Variants in COL22A1 observed in about 807,000 individuals in gnomAD.
The protein encoded by COL22A1 is collagen alpha-1(XXII) chain.
A neutral mutation model predicts 248.9 loss-of-function variants in COL22A1; 221 were observed. The ratio of observed to expected loss-of-function variants is 0.89; its 90% confidence interval spans 0.80 to 0.99. The LOEUF (loss-of-function observed/expected upper bound fraction) is 0.99. COL22A1 is among the 50% of genes least tolerant of loss of function. COL22A1 has a pLI of 0.00. For missense variants in COL22A1, 2,240 were observed against 2,179.0 expected, an observed-to-expected ratio of 1.03 and a Z score of -0.56; for synonymous variants, 891 against 793.4, an observed-to-expected ratio of 1.12 and a Z score of -2.07.
At chr8:138,625,526 G>A (rs1203299516) in intron 51 of COL22A1, among the ~76,000 whole-genome samples, 1 of 152,148 alleles carries the variant, frequency 6.6e-6, no homozygotes, top group Non-Finnish European at 1.5e-5. Context: ...TAATGAGAAG[G>A]ATATTAAATG....
chr8:138,613,885 T>C lies in COL22A1; in HGVS notation c.3960A>G (p.Gln1320=). 1 of 1,613,990 alleles carries C rather than the reference T, an allele frequency of 6.2e-7. No homozygotes were observed. The highest frequency in any genetic ancestry group is 1.1e-5 in the South Asian group (1 of 91,082). Residue 1320 remains glutamine, a synonymous_variant, in exon 56 of 65, where the codon CAA becomes CAG. Coordinates refer to ENST00000303045, the MANE Select transcript of COL22A1 (RefSeq NM_152888.3). ...AACTCACCGGTGGGCCCCTTGGTCC[T>C]TGGGGACCCTGTGGCCCAGTGGGTC... ...DTGPTGPQGP[Q]GPRGPPGKNG... is the part of the protein sequence containing the mutation.
At chr8:138,795,811 A>T (rs1816463263) in intron 12 of COL22A1, among the ~76,000 whole-genome samples, 1 of 152,118 alleles carries the variant, frequency 6.6e-6, no homozygotes, top group African/African-American at 2.4e-5. Context: ...GGAGAGCTAG[A>T]TGTGTAAGAG....
At chr8:138,806,084 GTAATGGTGTGTGATGGTGTGTT>G (rs1817655614) in intron 10 of COL22A1, among the ~76,000 whole-genome samples, 2 of 9,696 alleles carry the variant, frequency 2.1e-4, no homozygotes, top group Non-Finnish European at 4.4e-4. Context: ...GATGGTGTGT[GTAATGGTGTGTGATGGTGTGTT>G]TGTGTGTGAT....
intron 16 of COL22A1, among the ~76,000 whole-genome samples, chr8:138,764,136 C>T (rs34284837): frequency 0.2 from 30,750 of 152,136 alleles, 3,172 homozygotes; most frequent in Middle Eastern, 0.23. Context: ...CCAGGGGTTG[C>T]AGGTTCTTGG....
At chr8:138,692,463 A>ATGTGTGTGTGTG (rs145298366) in intron 35 of COL22A1, among the ~76,000 whole-genome samples, 1 of 136,014 alleles carries the variant, frequency 7.4e-6, no homozygotes, top group African/African-American at 2.9e-5. Flanking sequence ...GTGTGAGTGC[A>ATGTGTGTGTGTG]TGTGTGTGTG....
At chr8:138,651,321 C>A (rs1220371714) in intron 45 of COL22A1, among the ~76,000 whole-genome samples, 1 of 152,160 alleles carries the variant, frequency 6.6e-6, no homozygotes, top group African/African-American at 2.4e-5. Context: ...ACTCAGAGGA[C>A]AGAGGTAGAA....
chr8:138,650,216 G>T (rs1822578470), intron 45 of COL22A1, among the ~76,000 whole-genome samples: 1 of 152,182 alleles, frequency 6.6e-6, no homozygotes, highest in African/African-American at 2.4e-5. Flanking sequence ...TCTCTGTTCT[G>T]CATTTGCCCG....
chr8:138,889,428 T>C (rs1309984107), intron 1 of COL22A1, among the ~76,000 whole-genome samples: 1 of 152,048 alleles, frequency 6.6e-6, no homozygotes, highest in Non-Finnish European at 1.5e-5. Context: ...ATGGATGAAA[T>C]TGGAAATCAT....
At chr8:138,736,669 G>T (rs868794536) in intron 23 of COL22A1, among the ~76,000 whole-genome samples, 40 of 152,276 alleles carry the variant, frequency 2.6e-4, no homozygotes, top group Admixed American at 6.5e-4. Flanking sequence ...TGGCCTGTGG[G>T]AGTTGGGCCA....
chr8:138,824,432 C>T (rs553705869), intron 6 of COL22A1, among the ~76,000 whole-genome samples: 5 of 152,296 alleles, frequency 3.3e-5, no homozygotes, highest in African/African-American at 1.2e-4. Flanking sequence ...CTATTACTGC[C>T]GGCATCCACA....
At chr8:138,716,490 TTC>T (rs1829443053) in intron 28 of COL22A1, among the ~76,000 whole-genome samples, 1 of 152,208 alleles carries the variant, frequency 6.6e-6, no homozygotes, top group African/African-American at 2.4e-5. Flanking sequence ...TCTTGTCTAC[TTC>T]AGCTGTTTCC....
chr8:138,700,559 G>C (rs954442829), intron 31 of COL22A1, among the ~76,000 whole-genome samples: 1 of 152,186 alleles, frequency 6.6e-6, no homozygotes, highest in Non-Finnish European at 1.5e-5. Context: ...CAGGGATGCA[G>C]GTGCGTAGTA....
intron 3 of COL22A1, among the ~76,000 whole-genome samples, chr8:138,868,370 GC>G (rs773961899): frequency 6.6e-6 from 1 of 152,062 alleles, no homozygotes; most frequent in Non-Finnish European, 1.5e-5. Context: ...ATAGCCTTAG[GC>G]CCTCCAAAGT....
chr8:138,733,622 C>A (rs1830871712), intron 23 of COL22A1, among the ~76,000 whole-genome samples: 1 of 152,188 alleles, frequency 6.6e-6, no homozygotes, highest in African/African-American at 2.4e-5. Flanking sequence ...GGATAGGCTG[C>A]CATGGGATCA....
At chr8:138,704,707 C>G (rs1828263251) in intron 30 of COL22A1, among the ~76,000 whole-genome samples, 1 of 152,158 alleles carries the variant, frequency 6.6e-6, no homozygotes, top group African/African-American at 2.4e-5. Context: ...TTCTAAAAAT[C>G]AGAGCGCCTC....
intron 31 of COL22A1, among the ~76,000 whole-genome samples, chr8:138,701,434 GA>G (rs1827961260): frequency 6.6e-6 from 1 of 151,980 alleles, no homozygotes; most frequent in South Asian, 2.1e-4. Flanking sequence ...AAAAAAGATG[GA>G]AAAAAGTAGC....
At chr8:138,725,288 G>T in intron 24 of COL22A1, 99 bp downstream of exon 24, 1 of 1,243,710 alleles carries the variant, frequency 8.0e-7, no homozygotes, top group Non-Finnish European at 1.2e-6. Flanking sequence ...GACTTGGGTG[G>T]ATAAAAGACA....
chr8:138,764,202 G>T (rs1833741447), intron 16 of COL22A1, among the ~76,000 whole-genome samples: 1 of 152,182 alleles, frequency 6.6e-6, no homozygotes, highest in Non-Finnish European at 1.5e-5. Context: ...AGTGGACAAT[G>T]ATTCTATTCA....
intron 23 of COL22A1, among the ~76,000 whole-genome samples, chr8:138,731,067 C>T (rs888095961): frequency 7.2e-5 from 11 of 152,008 alleles, no homozygotes; most frequent in African/African-American, 4.8e-5. Flanking sequence ...TTTGGGAGGC[C>T]GAGGCGGGCA....
Sources: gnomAD v4.1 joint callset for allele counts (sites outside exome capture counted in the v4.1 genomes callset) on GRCh38, gnomAD v4.1.1 for gene constraint, MANE v1.5 for transcripts, NCBI Gene and HGNC (gene_info 2026-07-23, HGNC 2026-07-21) for gene names.